The following CACNA1D variants were observed in gnomAD, a reference collection of about 807,000 sequenced individuals.
The protein encoded by CACNA1D is calcium voltage-gated channel subunit alpha1 D.
Under a neutral mutation model 257.1 loss-of-function variants are expected in CACNA1D, and 55 were observed. That is an observed-to-expected ratio of 0.21 (90% CI 0.17 to 0.27). The LOEUF is 0.27. Ranked by LOEUF, CACNA1D falls within the 10% of genes least tolerant of loss-of-function variation. The pLI is 1.00. For missense variants in CACNA1D, 1,876 were observed against 2,784.0 expected (o/e 0.67, Z 7.34); for synonymous variants, 980 against 1,014.9 (o/e 0.97, Z 0.65).
At chr3:53,504,277 A>G (rs979505596) in intron 3 of CACNA1D, among the ~76,000 whole-genome samples, 3 of 132,754 alleles carry the variant, frequency 2.3e-5, no homozygotes, top group African/African-American at 7.9e-5. Context: ...TCCATGGGAA[A>G]GATGCAGTTG....
chr3:53,590,130 C>T (rs998241307), intron 3 of CACNA1D, among the ~76,000 whole-genome samples: 1 of 152,246 alleles, frequency 6.6e-6, no homozygotes, highest in Non-Finnish European at 1.5e-5. Flanking sequence ...GGTCCTGGCC[C>T]TGCCTGGCCA....
At position 53,624,350 on chromosome 3, in the gene CACNA1D, A is replaced by G. The variant is rs182121533; in HGVS notation, c.484-26429A>G. Among the ~76,000 whole-genome samples, 1,205 of 152,336 alleles carry G rather than the reference A, an allele frequency of 7.9e-3. 11 individuals carry two copies. The highest frequency in any genetic ancestry group is 0.021 in the South Asian group (103 of 4,824). ...GTAGTAATAAGCACAGGAAAGGAAA[A>G]GTGGAAGAAAGGAGATTCAGCACAT... On this transcript the variant is annotated intron_variant, in intron 3 of 47. Transcript: ENST00000350061.
intron 32 of CACNA1D, among the ~76,000 whole-genome samples, chr3:53,772,630 C>T (rs1018066428): frequency 4.6e-5 from 7 of 152,208 alleles, no homozygotes; most frequent in Non-Finnish European, 8.8e-5. Context: ...TAACACTGGG[C>T]GTGCATGTGG....
At chr3:53,617,729 A>G (rs530187354) in intron 3 of CACNA1D, among the ~76,000 whole-genome samples, 1 of 152,300 alleles carries the variant, frequency 6.6e-6, no homozygotes, top group East Asian at 1.9e-4. Flanking sequence ...TCTAAGCCCA[A>G]CCAAGTGCTA....
intron 3 of CACNA1D, among the ~76,000 whole-genome samples, chr3:53,624,935 AGAAGGCT>A (rs1348245275): frequency 6.6e-6 from 1 of 152,214 alleles, no homozygotes; most frequent in Admixed American, 6.5e-5. Flanking sequence ...TAGGGATGTA[AGAAGGCT>A]GATTAATTGC....
At chr3:53,712,034 A>G (rs1576429544) in intron 9 of CACNA1D, among the ~76,000 whole-genome samples, 1 of 152,254 alleles carries the variant, frequency 6.6e-6, no homozygotes, top group East Asian at 1.9e-4. Flanking sequence ...TGGACATAAG[A>G]AAAAACATCT....
intron 3 of CACNA1D, among the ~76,000 whole-genome samples, chr3:53,621,583 CAG>C (rs1160009008): frequency 4.6e-5 from 7 of 152,102 alleles, no homozygotes; most frequent in African/African-American, 1.2e-4. Context: ...GTTTCTAAGA[CAG>C]GGCACAAAAA....
At chr3:53,516,632 G>A (rs1161998645) in intron 3 of CACNA1D, among the ~76,000 whole-genome samples, 2 of 152,226 alleles carry the variant, frequency 1.3e-5, no homozygotes, top group East Asian at 3.8e-4. Flanking sequence ...GTGAGGACTC[G>A]GGTTGGTGTT....
chr3:53,733,912 TTGTG>T (rs1173678143), intron 19 of CACNA1D, among the ~76,000 whole-genome samples: 64 of 111,196 alleles, frequency 5.8e-4, no homozygotes, highest in African/African-American at 1.9e-3. Flanking sequence ...CTACAGCCCT[TTGTG>T]TGTGTGTGTG....
chr3:53,648,829 A>AACACACACACAC (rs148968944), intron 3 of CACNA1D, among the ~76,000 whole-genome samples: 146 of 146,848 alleles, frequency 9.9e-4, no homozygotes, highest in African/African-American at 3.5e-3. Context: ...TAACTCTCAA[A>AACACACACACAC]ACACACACAC....
chr3:53,663,777 G>GTCTCTCTCTC (rs541515346), intron 5 of CACNA1D, among the ~76,000 whole-genome samples: 31 of 149,578 alleles, frequency 2.1e-4, no homozygotes, highest in African/African-American at 7.3e-4. Flanking sequence ...GGAAATAATC[G>GTCTCTCTCTC]TCTCTCTCTC....
chr3:53,587,053 G>T (rs1296709641), intron 3 of CACNA1D, among the ~76,000 whole-genome samples: 1 of 152,134 alleles, frequency 6.6e-6, no homozygotes, highest in Non-Finnish European at 1.5e-5. Flanking sequence ...CCATCTCAGT[G>T]GGCCTTGCAA....
rs1307444224 is a variant in CACNA1D at position 53,751,203 on chromosome 3, G to GAGCCAT, written c.3517-546_3517-545insAGCCAT. Among the ~76,000 whole-genome samples, 13 of 152,188 alleles carry GAGCCAT rather than the reference G, an allele frequency of 8.5e-5. No homozygotes were observed. Among genetic ancestry groups the GAGCCAT allele is most frequent in the Admixed American group, 8.5e-4 (13 of 15,278 alleles). On this transcript the variant is annotated intron_variant, in intron 27 of 47. Coordinates refer to ENST00000350061, the MANE Select transcript of CACNA1D (RefSeq NM_001128840.3). This position sits in a 1 kb window ranked among gnomAD's most constrained non-coding sequence, Gnocchi z 4.3. ...TGTTAACACACTCTGGCTCCTGAAG[G>GAGCCAT]GTATCTCATGTGGTTCCAACTGGGA... is the stretch of plus-strand genomic sequence containing the variant.
intron 6 of CACNA1D, 132 bp downstream of exon 6, chr3:53,665,944 G>A: frequency 1.4e-6 from 1 of 704,402 alleles, no homozygotes; most frequent in Non-Finnish European, 2.5e-6. Context: ...CATTTACTGA[G>A]CCAGTTCTCA....
chr3:53,791,199 G>C, intron 40 of CACNA1D: 1 of 580,792 alleles, frequency 1.7e-6, no homozygotes, highest in Non-Finnish European at 3.1e-6. Flanking sequence ...AAGCGGGGCC[G>C]TGGCTCATCT....
At chr3:53,722,512 G>C in intron 12 of CACNA1D, 38 bp downstream of exon 12, 1 of 1,606,548 alleles carries the variant, frequency 6.2e-7, no homozygotes, top group Non-Finnish European at 8.5e-7. Flanking sequence ...TTCTGAACTA[G>C]AGATTTCTGT....
intron 3 of CACNA1D, among the ~76,000 whole-genome samples, chr3:53,548,606 T>G (rs17053168): frequency 0.29 from 43,408 of 151,842 alleles, 6,551 homozygotes; most frequent in African/African-American, 0.4. Context: ...CTTCTTTCTT[T>G]TCCTGTCCCA....
At chr3:53,587,247 C>T (rs776385648) in intron 3 of CACNA1D, among the ~76,000 whole-genome samples, 7 of 152,044 alleles carry the variant, frequency 4.6e-5, no homozygotes, top group Non-Finnish European at 8.8e-5. Flanking sequence ...GGGAAATGTT[C>T]GTGCTGTAGA....
intron 3 of CACNA1D, among the ~76,000 whole-genome samples, chr3:53,531,873 C>A (rs1486134456): frequency 6.6e-6 from 1 of 152,176 alleles, no homozygotes; most frequent in Non-Finnish European, 1.5e-5. Flanking sequence ...AACAAGGAAG[C>A]TTGCCTTGCA....
Sources: allele counts gnomAD v4.1 joint callset (sites outside exome capture counted in the v4.1 genomes callset), GRCh38; gene constraint gnomAD v4.1.1; non-coding constraint Gnocchi (gnomAD v3.1); transcripts MANE v1.5; gene names NCBI Gene and HGNC (gene_info 2026-07-23, HGNC 2026-07-21).